Variants in ATP8B3 observed in about 807,000 individuals in gnomAD.
ATP8B3 encodes the protein phospholipid-transporting ATPase IK.
ATP8B3 carries 141 observed loss-of-function variants against 140.9 expected under a neutral mutation model. That is an observed-to-expected ratio of 1.00 (90% CI 0.87 to 1.15). The LOEUF is 1.15. Among genes scored for constraint, ATP8B3 ranks in the 50% most tolerant of loss-of-function variants. ATP8B3 has a pLI of 0.00. For missense variants in ATP8B3, 1,874 were observed against 1,740.6 expected, an observed-to-expected ratio of 1.08 and a Z score of -1.36; for synonymous variants, 765 against 714.6, an observed-to-expected ratio of 1.07 and a Z score of -1.13.
Position 1,802,013 on chromosome 19 carries a change from G to A in ATP8B3, c.1095C>T (p.Gly365=). The change falls in exon 12 of 29, where the codon GGC becomes GGT. Residue 365 remains glycine, a synonymous_variant. Coordinates refer to ENST00000310127, the MANE Select transcript of ATP8B3 (RefSeq NM_138813.4). The part of the protein sequence containing the change: ...GFDTKIMKNC[G]KIHLKRTKLD... ...GCTTGGTTCTCTTCAAATGGATCTT[G>A]CCACAGTTCTTCATAATTTTTGTGT... The A allele has an allele frequency of 6.2e-7, 1 of 1,612,284 alleles. No individual in the cohort carries two copies. The highest frequency in any genetic ancestry group is 8.5e-7 in the Non-Finnish European group (1 of 1,179,654).
chr19:1,801,254 C>T (rs138703988), intron 12 of ATP8B3, among the ~76,000 whole-genome samples: 1 of 151,458 alleles, frequency 6.6e-6, no homozygotes. Flanking sequence ...GGGGTTCAAG[C>T]GATTCTCCTG....
rs2068653027 is a variant in ATP8B3, at chr19:1,795,871, T to C, written c.2055+4A>G. 9 of 1,581,428 alleles carry C rather than the reference T, an allele frequency of 5.7e-6. No individual in the cohort carries two copies. The highest frequency in any genetic ancestry group is 7.7e-6 in the Non-Finnish European group (9 of 1,163,738). ...CATAAGCCAGCCTTCCTGAAGGGAC[T>C]CACAGCCAAGGCCTCCTCTGTGGCA... is the stretch of plus-strand genomic sequence containing the variant. On this transcript the variant is annotated splice_donor_region_variant and intron_variant, in intron 18 of 28. Coordinates refer to ENST00000310127, the MANE Select transcript of ATP8B3 (RefSeq NM_138813.4).
rs748660589 is a variant in ATP8B3, at chr19:1,807,242, G to A, written c.541C>T (p.Pro181Ser). 8.7e-6 allele frequency: 14 copies of A among 1,612,794 alleles called. No individual in the cohort carries two copies. In the East Asian group the frequency reaches 2.9e-4, roughly 33 times the overall value. The change falls in exon 6 of 29, where the codon CCC (proline) becomes TCC (serine). Residue 181 changes from proline to serine, a missense_variant. This residue lies in a region of ATP8B3 where 1,032 missense variants were observed against 963.6 expected (regional missense o/e 1.07). Transcript: ENST00000310127. The surrounding 1 kb of genome is among the most constrained non-coding windows in gnomAD (Gnocchi z 5.9). Reference protein sequence around the residue: ...LQSIPDISTLPWFSLSTPMVC... With the variant: ...LQSIPDISTLSWFSLSTPMVC... The stretch of plus-strand genomic sequence containing the variant: ...ATAGGGGTACTGAGCGAGAACCAGG[G>A]CAGCGTGGAGATGTCGGGAATGCTC...
chr19:1,796,795 C>G lies in ATP8B3; in HGVS notation c.1669G>C (p.Gly557Arg), dbSNP rs374784814. The G allele has an allele frequency of 2.4e-5, 38 of 1,612,516 alleles. No individual in the cohort carries two copies. The South Asian group carries it at 4.2e-4, about 18-fold the overall frequency. ...CAGAACTCCCGCACGGCCTCGTCCC[C>G]GTTGGTCCGCACGAGGTGCAGCAGG... ...AALLHLVRTN[G>R]DEAVREFWRL... Residue 557 changes from glycine to arginine, a missense_variant, in exon 16 of 29, where the codon GGG becomes CGG. Physicochemically the swap from Gly to Arg is moderately radical, Grantham distance 125. Transcript: ENST00000310127.
At chr19:1,801,560 G>A (rs961679315) in intron 12 of ATP8B3, among the ~76,000 whole-genome samples, 1 of 152,090 alleles carries the variant, frequency 6.6e-6, no homozygotes, top group African/African-American at 2.4e-5. Context: ...AGACCAGCCT[G>A]GGCAACATGG....
At chr19:1,799,909 C>G in intron 14 of ATP8B3, 38 bp downstream of exon 14, 1 of 1,545,820 alleles carries the variant, frequency 6.5e-7, no homozygotes, top group African/African-American at 1.4e-5. Context: ...CCTTGAAGAT[C>G]GAGGACCCAG....
intron 16 of ATP8B3, 107 bp downstream of exon 16, chr19:1,796,604 G>A (rs933978108): frequency 1.4e-6 from 2 of 1,410,992 alleles, no homozygotes; most frequent in Non-Finnish European, 1.9e-6. Context: ...CGCCCCCCAA[G>A]CCAGCTGAAA....
At chr19:1,809,162 A>G (rs2069113932) in intron 4 of ATP8B3, among the ~76,000 whole-genome samples, 1 of 151,582 alleles carries the variant, frequency 6.6e-6, no homozygotes, top group Admixed American at 6.6e-5. Flanking sequence ...CGACAGAGCG[A>G]GACTCCATCT....
intron 1 of ATP8B3, 149 bp downstream of exon 1, chr19:1,812,037 G>T (rs572525163): frequency 3.0e-6 from 1 of 334,414 alleles, no homozygotes; most frequent in Non-Finnish European, 5.4e-6. Flanking sequence ...AGGGCTGTCT[G>T]CACCCGCCCC....
rs536824974 is a variant in ATP8B3 at position 1,795,910 on chromosome 19, C to T, written c.2020G>A (p.Gly674Arg). ...TVIFERLHRRGAMEFATEEAL... is the reference protein window; with the variant it reads ...TVIFERLHRRRAMEFATEEAL... Reference sequence around the variant, plus strand: ...TCCTCTGTGGCAAATTCCATTGCCCCCCTCCTGTGCAAGCGTTCGAAGATG... The same window carrying T: ...TCCTCTGTGGCAAATTCCATTGCCCTCCTCCTGTGCAAGCGTTCGAAGATG... The change falls in exon 18 of 29, where the codon GGG (glycine) becomes AGG (arginine). Residue 674 changes from glycine (G) to arginine (R), a missense_variant. Around this residue, in one of 3 missense-constraint regions of ATP8B3, gnomAD observed 1,032 missense variants for 963.6 expected, o/e 1.07. Transcript: ENST00000310127. 9 of 1,613,056 alleles carry T rather than the reference C, an allele frequency of 5.6e-6. No individual in the cohort carries two copies. Among genetic ancestry groups the T allele is most frequent in the Non-Finnish European group, 7.6e-6 (9 of 1,179,844 alleles).
chr19:1,790,946 A>C (rs1600411419), intron 20 of ATP8B3, 114 bp from the exon 21 acceptor site: 4 of 786,670 alleles, frequency 5.1e-6, no homozygotes, highest in Admixed American at 2.6e-5. Context: ...CACATGCCCC[A>C]CCCCCTGGCC....
In ATP8B3 at chr19:1,782,809, C is replaced by T. The variant is rs972252962; in HGVS notation, c.*219G>A. 4.1e-5 allele frequency: 25 copies of T among 603,780 alleles called. No individual in the cohort carries two copies. The highest frequency in any genetic ancestry group is 4.5e-4 in the Middle Eastern group (1 of 2,218). The allele number at this position is 603,780 out of a possible 1,614,324, so 37.4% of individuals were successfully genotyped here. On this transcript the variant is annotated 3_prime_UTR_variant, in exon 29 of 29. Transcript: ENST00000310127. ...TCTGCTTGGGTGACAATGACCTCTC[C>T]TGTGCCCTTGGCAATTGCTCTTGGA...
At position 1,800,981 on chromosome 19, in the gene ATP8B3, A is replaced by G. The variant is rs1347361102; in HGVS notation, c.1153-532T>C. Among the ~76,000 whole-genome samples, 4 of 151,064 alleles carry G rather than the reference A, an allele frequency of 2.6e-5. No individual in the cohort carries two copies. The highest frequency in any genetic ancestry group is 5.9e-5 in the Non-Finnish European group (4 of 67,812). ...GTAGCTGGGACTACAGGCGCCCGCC[A>G]CCACGCCCGGCTAATTTTTTGTATT... On this transcript the variant is annotated intron_variant, in intron 12 of 28. Transcript: ENST00000310127. The surrounding 1 kb of genome is among the most constrained non-coding windows in gnomAD (Gnocchi z 4.4).
At position 1,810,647 on chromosome 19, in the gene ATP8B3, A is replaced by T. The variant is rs1459416725; in HGVS notation, c.285T>A (p.Asp95Glu). ...TSMGSLGQRE[D>E]LQDEDRNSAF... ...CTGAGTTCCTGTCCTCATCTTGGAG[A>T]TCTTCTCTCTGGCCGAGGCTGCCCA... Residue 95 changes from aspartate to glutamate, a missense_variant, in exon 3 of 29, where the codon GAT becomes GAA. By Grantham distance (45) the Asp-to-Glu change is conservative. Transcript: ENST00000310127. 6.2e-7 allele frequency: 1 copy of T among 1,612,628 alleles called. No homozygotes were observed. Among genetic ancestry groups the T allele is most frequent in the Non-Finnish European group, 8.5e-7 (1 of 1,179,516 alleles).
chr19:1,786,545 GAC>G (rs1347090915), intron 25 of ATP8B3, among the ~76,000 whole-genome samples: 3 of 147,320 alleles, frequency 2.0e-5, no homozygotes, highest in Non-Finnish European at 4.5e-5. Context: ...CAGCCTGGGC[GAC>G]AGAGCGAGAC....
rs1600375839 is a variant in ATP8B3 at position 1,782,377 on chromosome 19, C to T, written c.*651G>A. The T allele has an allele frequency of 4.0e-6, 1 of 246,934 alleles. No individual in the cohort carries two copies. The highest frequency in any genetic ancestry group is 8.7e-5 in the East Asian group (1 of 11,494). The allele number at this position is 246,934 out of a possible 1,614,324, so 15.3% of individuals were successfully genotyped here. A position where few individuals can be genotyped will look rare whatever the true frequency, so the allele number is the denominator to read the frequency against. On this transcript the variant is annotated 3_prime_UTR_variant, in exon 29 of 29. Transcript: ENST00000310127. ...ATAGCTGCTCCTCCCCGGGCACCAG[C>T]AGCCACTCCATGGATGATGATGACT... is the stretch of plus-strand genomic sequence containing the variant.
chr19:1,791,869 G>A lies in ATP8B3; in HGVS notation c.2191-8C>T. 2.5e-6 allele frequency: 4 copies of A among 1,610,076 alleles called. No homozygotes were observed. The highest frequency in any genetic ancestry group is 2.5e-6 in the Non-Finnish European group (3 of 1,179,336). On this transcript the variant is annotated splice_polypyrimidine_tract_variant and splice_region_variant and intron_variant, in intron 19 of 28. Transcript: ENST00000310127. ...GGCTGTGGCTCCCAGCAGCTGGTGG[G>A]GGAGGAGGGCAGGGCGGGGAAGATG...
At chr19:1,787,858 A>C (rs1220183600) in intron 24 of ATP8B3, among the ~76,000 whole-genome samples, 1 of 152,004 alleles carries the variant, frequency 6.6e-6, no homozygotes, top group Middle Eastern at 3.4e-3. Context: ...CCTGGCCAAC[A>C]TGGCAAAACC....
chr19:1,787,558 G>A (rs4280372), intron 24 of ATP8B3, among the ~76,000 whole-genome samples: 112,351 of 151,612 alleles, frequency 0.74, 41,621 homozygotes, highest in Middle Eastern at 0.79. Context: ...GTGAAACCCC[G>A]TCTCTACTAA....
Sources: allele counts gnomAD v4.1 joint callset (sites outside exome capture counted in the v4.1 genomes callset), GRCh38; gene constraint gnomAD v4.1.1; regional missense constraint gnomAD v4.1.1; non-coding constraint Gnocchi (gnomAD v3.1); transcripts MANE v1.5; gene names NCBI Gene and HGNC (gene_info 2026-07-23, HGNC 2026-07-21).